SYNPR: variants seen among roughly 807,000 people sequenced by gnomAD.
SYNPR encodes synaptoporin.
A neutral mutation model predicts 32.9 loss-of-function variants in SYNPR; 23 were observed. The ratio of observed to expected loss-of-function variants is 0.70; its 90% CI spans 0.50 to 0.99. The LOEUF is 0.99. Among genes scored for constraint, SYNPR ranks in the 50% least tolerant of loss-of-function variants. The pLI is 0.00. For synonymous variants in SYNPR, 146 were observed against 135.9 expected, an observed-to-expected ratio of 1.07 and a Z score of -0.52; for missense variants, 318 against 349.3, an observed-to-expected ratio of 0.91 and a Z score of 0.71.
At chr3:63,578,470 G>A (rs560663687) in intron 4 of SYNPR, among the ~76,000 whole-genome samples, 1 of 152,206 alleles carries the variant, frequency 6.6e-6, no homozygotes, top group East Asian at 1.9e-4. Flanking sequence ...AAGAGTTGAG[G>A]GGTGGATCTG....
At chr3:63,396,300 T>C (rs2088211931) in intron 2 of SYNPR, among the ~76,000 whole-genome samples, 1 of 152,098 alleles carries the variant, frequency 6.6e-6, no homozygotes, top group Non-Finnish European at 1.5e-5. Flanking sequence ...AGCCTAAAAA[T>C]GAAACTTCAA....
chr3:63,254,384 A>G (rs942915748), intron 2 of SYNPR, among the ~76,000 whole-genome samples: 3 of 152,174 alleles, frequency 2.0e-5, no homozygotes, highest in Admixed American at 6.6e-5. Context: ...GTAGGTCAAG[A>G]TCTACTAGTA....
intron 2 of SYNPR, among the ~76,000 whole-genome samples, chr3:63,445,210 T>C (rs958369535): frequency 1.2e-4 from 19 of 152,218 alleles, no homozygotes; most frequent in African/African-American, 4.3e-4. Context: ...GTAATATAAA[T>C]TAATGAAACT....
chr3:63,585,862 G>T (rs951092361), intron 4 of SYNPR, among the ~76,000 whole-genome samples: 3 of 152,018 alleles, frequency 2.0e-5, no homozygotes, highest in Admixed American at 2.0e-4. Flanking sequence ...ATTGCCAAAG[G>T]CTATGTGCCT....
At position 63,615,562 on chromosome 3, in the gene SYNPR, CA is replaced by C. The variant is rs1266934646; in HGVS notation, c.*83del. 1 of 1,511,380 alleles carries C rather than the reference CA, an allele frequency of 6.6e-7. No individual in the cohort carries two copies. Among genetic ancestry groups the C allele is most frequent in the Non-Finnish European group, 8.9e-7 (1 of 1,122,744 alleles). The allele number at this position is 1,511,380 out of a possible 1,614,324, so 93.6% of individuals were successfully genotyped here. A position where few individuals can be genotyped will look rare whatever the true frequency, so the allele number is the denominator to read the frequency against. ...AGAAGAATTTTTTAAGGGTTTCAAT[CA>C]ATTATTAATGCAGAGAGTATTGAAT... On this transcript the variant is annotated 3_prime_UTR_variant, in exon 6 of 6. Transcript: ENST00000478300.
chr3:63,479,781 A>T (rs1183176712), intron 2 of SYNPR, among the ~76,000 whole-genome samples: 1 of 152,166 alleles, frequency 6.6e-6, no homozygotes, highest in Non-Finnish European at 1.5e-5. Flanking sequence ...TCAGTGAGGA[A>T]ATCAAGACAT....
chr3:63,446,467 T>C (rs1299350671), intron 2 of SYNPR, among the ~76,000 whole-genome samples: 2 of 152,096 alleles, frequency 1.3e-5, no homozygotes, highest in Non-Finnish European at 2.9e-5. Context: ...CCTTTGCACC[T>C]GAGCAGTGGG....
At chr3:63,475,095 A>G (rs1175552408) in intron 2 of SYNPR, among the ~76,000 whole-genome samples, 2 of 152,134 alleles carry the variant, frequency 1.3e-5, no homozygotes, top group Admixed American at 6.5e-5. Context: ...CGTTACTGCT[A>G]TGGGTGATTT....
At chr3:63,566,885 T>A (rs894127268) in intron 4 of SYNPR, among the ~76,000 whole-genome samples, 1 of 152,188 alleles carries the variant, frequency 6.6e-6, no homozygotes, top group Non-Finnish European at 1.5e-5. Context: ...AGCTTTATGA[T>A]TATCTACCAT....
At chr3:63,494,643 A>T (rs1217821090) in intron 3 of SYNPR, among the ~76,000 whole-genome samples, 2 of 151,728 alleles carry the variant, frequency 1.3e-5, no homozygotes, top group Non-Finnish European at 2.9e-5. Context: ...CACATAACAC[A>T]TATTATACCC....
chr3:63,222,535 T>C, the SYNPR span, among the ~76,000 whole-genome samples: 1 of 152,154 alleles, frequency 6.6e-6, no homozygotes, highest in Non-Finnish European at 1.5e-5. Context: ...TGTTTGTTTT[T>C]TGAGACAGGG....
the SYNPR span, among the ~76,000 whole-genome samples, chr3:63,201,457 G>T: frequency 2.0e-5 from 3 of 152,046 alleles, no homozygotes; most frequent in African/African-American, 7.2e-5. Flanking sequence ...GCAATGACAA[G>T]GCAAGCTGAA....
chr3:63,504,094 A>G (rs1167910404), intron 3 of SYNPR, among the ~76,000 whole-genome samples: 2 of 152,128 alleles, frequency 1.3e-5, no homozygotes, highest in Non-Finnish European at 2.9e-5. Flanking sequence ...TAACCTTTTA[A>G]TGAGTTATTT....
chr3:63,506,203 G>T (rs1308908425), intron 3 of SYNPR, among the ~76,000 whole-genome samples: 2 of 151,478 alleles, frequency 1.3e-5, no homozygotes, highest in East Asian at 3.9e-4. Flanking sequence ...GCCTTACAGA[G>T]CAAATTTGCA....
At chr3:63,313,353 C>G (rs1187908942) in intron 2 of SYNPR, among the ~76,000 whole-genome samples, 1 of 151,534 alleles carries the variant, frequency 6.6e-6, no homozygotes, top group African/African-American at 2.4e-5. Flanking sequence ...AGTCTTTTAT[C>G]CCTCACCCCG....
intron 2 of SYNPR, among the ~76,000 whole-genome samples, chr3:63,305,282 A>C (rs533075034): frequency 6.6e-6 from 1 of 152,178 alleles, no homozygotes; most frequent in African/African-American, 2.4e-5. Context: ...CAATGTCATG[A>C]GATACGCTGA....
At chr3:63,416,303 G>A (rs1353847409) in intron 2 of SYNPR, among the ~76,000 whole-genome samples, 2 of 152,120 alleles carry the variant, frequency 1.3e-5, no homozygotes, top group Admixed American at 1.3e-4. Context: ...GGCCAAGGAG[G>A]GTGGATCACC....
At chr3:63,224,919 A>G (rs2086117722), upstream of SYNPR, among the ~76,000 whole-genome samples, 1 of 152,200 alleles carries the variant, frequency 6.6e-6, no homozygotes, top group Non-Finnish European at 1.5e-5. Flanking sequence ...ATTGTGTAAC[A>G]GCCCCAGATC....
At chr3:63,541,268 T>C (rs898597217) in intron 3 of SYNPR, among the ~76,000 whole-genome samples, 1 of 150,428 alleles carries the variant, frequency 6.6e-6, no homozygotes, top group African/African-American at 2.4e-5. Flanking sequence ...GTCTTGACAA[T>C]AAACAAGAGA....
Sources: allele counts gnomAD v4.1 joint callset (sites outside exome capture counted in the v4.1 genomes callset), GRCh38; gene constraint gnomAD v4.1.1; transcripts MANE v1.5; gene names NCBI Gene and HGNC (gene_info 2026-07-23, HGNC 2026-07-21).